The following CDC14A variants were observed in gnomAD, a reference collection of about 807,000 sequenced individuals.
CDC14A encodes dual specificity protein phosphatase CDC14A.
A neutral mutation model predicts 74.4 loss-of-function variants in CDC14A; 53 were observed. The ratio of observed to expected loss-of-function variants is 0.71; its 90% CI spans 0.57 to 0.89. The LOEUF is 0.89. Among genes scored for constraint, CDC14A ranks in the 40% least tolerant of loss-of-function variants. The pLI, the probability that CDC14A is intolerant of heterozygous loss-of-function variation, is 0.00. For missense variants in CDC14A, 646 were observed against 713.7 expected (o/e 0.91, Z 1.08); for synonymous variants, 247 against 258.4 (o/e 0.96, Z 0.43).
intron 5 of CDC14A, among the ~76,000 whole-genome samples, chr1:100,438,582 G>A (rs949384055): frequency 1.3e-5 from 2 of 152,156 alleles, no homozygotes; most frequent in Non-Finnish European, 2.9e-5. Context: ...TGACATGTGA[G>A]TTCAGATGAT....
At chr1:100,392,457 CTT>C (rs78802981) in intron 4 of CDC14A, among the ~76,000 whole-genome samples, 2 of 143,326 alleles carry the variant, frequency 1.4e-5, no homozygotes, top group Non-Finnish European at 1.5e-5. Context: ...GCACGTCTTT[CTT>C]TTTTTTTTTT....
chr1:100,464,698 C>T (rs10493923), intron 9 of CDC14A, among the ~76,000 whole-genome samples: 47,486 of 151,956 alleles, frequency 0.31, 8,647 homozygotes, highest in East Asian at 0.49. Context: ...ATTAGCCATC[C>T]GTATCTTGGA....
chr1:100,471,954 A>G (rs1371038849), intron 10 of CDC14A, among the ~76,000 whole-genome samples: 2 of 152,180 alleles, frequency 1.3e-5, no homozygotes, highest in Non-Finnish European at 2.9e-5. Flanking sequence ...TAAGTGGTAC[A>G]TGGAAAGCAT....
chr1:100,477,065 T>C lies in CDC14A; in HGVS notation c.978-7227T>C, dbSNP rs1019440421. On this transcript the variant is annotated intron_variant, in intron 10 of 15. Coordinates refer to ENST00000336454, the MANE Select transcript of CDC14A (RefSeq NM_003672.4). The stretch of plus-strand genomic sequence containing the variant: ...AGGAATATGGGCAGCCACTGTAAAT[T>C]GAAAAAGGCAAGGAAACAAATTATC... Among the ~76,000 whole-genome samples the C allele has an allele frequency of 1.3e-4, 20 of 152,228 alleles. 1 individual carries two copies. Among genetic ancestry groups the C allele is most frequent in the Admixed American group, 1.2e-3 (19 of 15,296 alleles).
intron 11 of CDC14A, among the ~76,000 whole-genome samples, chr1:100,489,666 A>AT (rs1670421786): frequency 6.6e-6 from 1 of 151,418 alleles, no homozygotes; most frequent in Admixed American, 6.6e-5. Context: ...TCTTGCCTTC[A>AT]TGTAGGGCAG....
chr1:100,496,700 G>A (rs942066835), intron 13 of CDC14A, among the ~76,000 whole-genome samples: 3 of 152,164 alleles, frequency 2.0e-5, no homozygotes, highest in Admixed American at 2.0e-4. Context: ...TTAAGCATCT[G>A]GAGCTTCTGG....
chr1:100,407,962 G>A (rs1432040512), intron 4 of CDC14A, among the ~76,000 whole-genome samples: 2 of 152,014 alleles, frequency 1.3e-5, no homozygotes, highest in Non-Finnish European at 2.9e-5. Flanking sequence ...CAGGTTTGTT[G>A]TAGAGGTAAA....
chr1:100,465,049 C>T (rs1359014134), intron 9 of CDC14A, among the ~76,000 whole-genome samples: 1 of 151,922 alleles, frequency 6.6e-6, no homozygotes, highest in Non-Finnish European at 1.5e-5. Flanking sequence ...CCTCAGCCTC[C>T]CAAGTATCTG....
At chr1:100,367,987 T>C (rs575799045) in intron 2 of CDC14A, among the ~76,000 whole-genome samples, 17 of 152,254 alleles carry the variant, frequency 1.1e-4, no homozygotes, top group Non-Finnish European at 1.9e-4. Context: ...ATGTTCCAAG[T>C]CCCAACTGGC....
At chr1:100,401,857 GGA>G (rs778921517) in intron 4 of CDC14A, among the ~76,000 whole-genome samples, 10 of 151,952 alleles carry the variant, frequency 6.6e-5, no homozygotes, top group Admixed American at 1.3e-4. Flanking sequence ...TGACCAACAG[GGA>G]GAAACCCCGT....
intron 7 of CDC14A, among the ~76,000 whole-genome samples, chr1:100,449,391 A>G (rs1398544490): frequency 1.3e-5 from 2 of 152,144 alleles, no homozygotes; most frequent in Non-Finnish European, 2.9e-5. Context: ...GGTGTGGAGG[A>G]AATGCAGACT....
chr1:100,447,633 T>C (rs1665705982), intron 7 of CDC14A, among the ~76,000 whole-genome samples: 1 of 152,242 alleles, frequency 6.6e-6, no homozygotes, highest in South Asian at 2.1e-4. Flanking sequence ...AGTTGACCTT[T>C]TGTCCTAGGG....
chr1:100,467,179 C>T (rs1304858309), intron 9 of CDC14A, among the ~76,000 whole-genome samples: 1 of 152,028 alleles, frequency 6.6e-6, no homozygotes, highest in Non-Finnish European at 1.5e-5. Context: ...GATGGCATGT[C>T]ATAGTTTAAT....
intron 8 of CDC14A, chr1:100,462,429 T>G (rs1667398931): frequency 1.9e-6 from 1 of 526,532 alleles, no homozygotes; most frequent in Non-Finnish European, 3.4e-6. Context: ...TTTAATGATG[T>G]ATTTTCAGTA....
chr1:100,452,001 T>C (rs546644835), intron 7 of CDC14A, among the ~76,000 whole-genome samples: 1 of 152,356 alleles, frequency 6.6e-6, no homozygotes, highest in South Asian at 2.1e-4. Context: ...TCTAAATGAA[T>C]GTTGAATTGC....
At chr1:100,367,762 C>T (rs111991584) in intron 2 of CDC14A, among the ~76,000 whole-genome samples, 3,291 of 152,224 alleles carry the variant, frequency 0.022, 68 homozygotes, top group African/African-American at 0.048. Flanking sequence ...AAGGCTGGCC[C>T]ACTGAGCTTC....
chr1:100,441,076 G>A (rs565102117), intron 6 of CDC14A, among the ~76,000 whole-genome samples: 3 of 152,014 alleles, frequency 2.0e-5, no homozygotes, highest in Non-Finnish European at 4.4e-5. Flanking sequence ...TTTATTTATC[G>A]TCACTATTAT....
upstream of CDC14A, chr1:100,352,450 G>A: frequency 9.9e-7 from 1 of 1,010,480 alleles, no homozygotes; most frequent in Non-Finnish European, 1.2e-6. Context: ...GCGGACCCAG[G>A]GGGAGGAGGA....
At position 100,508,245 on chromosome 1, in the gene CDC14A, GT is replaced by G. The variant is rs933569880; in HGVS notation, c.1755+8988del. On this transcript the variant is annotated intron_variant, in intron 15 of 15. Transcript: ENST00000336454. This position sits in a 1 kb window ranked among gnomAD's most constrained non-coding sequence, Gnocchi z 4.4. ...CATCTGTTATAATTTGGGCCCGCCTGTTTTTGTTTTATGGCTTCTTATTCTT... is the reference window on the plus strand; with the variant it reads ...CATCTGTTATAATTTGGGCCCGCCTGTTTTGTTTTATGGCTTCTTATTCTT... Among the ~76,000 whole-genome samples the G allele has an allele frequency of 6.6e-5, 10 of 151,566 alleles. No individual in the cohort carries two copies. The highest frequency in any genetic ancestry group is 1.9e-4 in the African/African-American group (8 of 41,244).
Sources: allele counts gnomAD v4.1 joint callset (sites outside exome capture counted in the v4.1 genomes callset), GRCh38; gene constraint gnomAD v4.1.1; non-coding constraint Gnocchi (gnomAD v3.1); transcripts MANE v1.5; gene names NCBI Gene and HGNC (gene_info 2026-07-23, HGNC 2026-07-21).